The following PEMT variants were observed in gnomAD, a reference collection of about 807,000 sequenced individuals.
PEMT encodes phosphatidylethanolamine N-methyltransferase.
Under a neutral mutation model 27.4 loss-of-function variants are expected in PEMT, and 23 were observed. The observed-to-expected ratio is 0.84, with a 90% CI of 0.60 to 1.19. The LOEUF is 1.19. PEMT is among the 50% of genes most tolerant of loss of function. The probability of loss-of-function intolerance (pLI) is 0.00; values close to 1 mark genes in which losing one functional copy is unlikely to be tolerated. For synonymous variants in PEMT, 137 were observed against 139.1 expected, an observed-to-expected ratio of 0.98 and a Z score of 0.11; for missense variants, 307 against 310.1, an observed-to-expected ratio of 0.99 and a Z score of 0.07.
intron 2 of PEMT, among the ~76,000 whole-genome samples, chr17:17,534,823 T>C (rs77406264): frequency 0.022 from 3,390 of 152,212 alleles, 104 homozygotes; most frequent in East Asian, 0.095. Context: ...ACCCCATCTC[T>C]AAAAAAGGCA....
chr17:17,511,037 C>G (rs1163663396), intron 4 of PEMT, among the ~76,000 whole-genome samples: 1 of 152,106 alleles, frequency 6.6e-6, no homozygotes, highest in East Asian at 1.9e-4. Context: ...TTGCTGGGAC[C>G]CCCCCTATGG....
At chr17:17,556,771 G>C (rs1222786953) in intron 2 of PEMT, among the ~76,000 whole-genome samples, 1 of 152,154 alleles carries the variant, frequency 6.6e-6, no homozygotes, top group Non-Finnish European at 1.5e-5. Context: ...AAGCAACTGG[G>C]ACTGAGAGGA....
chr17:17,569,148 C>T (rs1056368691), intron 2 of PEMT, among the ~76,000 whole-genome samples: 2 of 152,208 alleles, frequency 1.3e-5, no homozygotes, highest in African/African-American at 4.8e-5. Flanking sequence ...AAGTCCCCGG[C>T]CAGAGGGACA....
Position 17,509,463 on chromosome 17 carries a change from G to T in PEMT, c.549C>A (p.Ser183Arg), listed in dbSNP as rs953690627. ...TGGCCCAGCCCAGGTAGTTGGCTGT[G>T]CTTCCCCAGTACATGGGGTTGTCCA... ...NILDNPMYWG[S>R]TANYLGWAIM... Residue 183 changes from serine to arginine, a missense_variant, in exon 5 of 7, where the codon AGC becomes AGA. Ser to Arg is a moderately radical substitution (Grantham distance 110). Transcript: ENST00000255389. 6.2e-7 allele frequency: 1 copy of T among 1,613,388 alleles called. No homozygotes were observed. Among genetic ancestry groups the T allele is most frequent in the Non-Finnish European group, 8.5e-7 (1 of 1,179,392 alleles).
intron 2 of PEMT, among the ~76,000 whole-genome samples, chr17:17,574,315 CT>C (rs551467639): frequency 0.061 from 6,769 of 110,668 alleles, 361 homozygotes; most frequent in African/African-American, 0.15. Flanking sequence ...CTTACTGCAT[CT>C]TTTTTTTTTT....
At chr17:17,509,649 A>G (rs1335244330) in intron 4 of PEMT, 104 bp from the exon 5 acceptor site, 3 of 784,896 alleles carry the variant, frequency 3.8e-6, no homozygotes, top group Non-Finnish European at 6.7e-6. Context: ...TGCAGGTGAG[A>G]CAGGGCCCTG....
At chr17:17,528,201 T>C (rs1373292172) in intron 2 of PEMT, among the ~76,000 whole-genome samples, 2 of 152,214 alleles carry the variant, frequency 1.3e-5, no homozygotes, top group Non-Finnish European at 2.9e-5. Context: ...CCTTCTGCCT[T>C]CCTGCTTTTG....
chr17:17,577,519 G>C (rs1911683805), intron 1 of PEMT: 10 of 998,850 alleles, frequency 1.0e-5, no homozygotes, highest in Non-Finnish European at 1.2e-5. Flanking sequence ...GTGGGGCGGG[G>C]TAAACTGAAA....
At chr17:17,517,867 T>G in intron 3 of PEMT, 1 of 555,626 alleles carries the variant, frequency 1.8e-6, no homozygotes, top group Non-Finnish European at 2.3e-6. Flanking sequence ...CAGGCCTTGG[T>G]CGTAAGGCTT....
intron 3 of PEMT, chr17:17,518,151 C>T (rs1288637199): frequency 1.0e-6 from 1 of 985,384 alleles, no homozygotes; most frequent in Non-Finnish European, 1.2e-6. Context: ...AGTTCCATCC[C>T]GTGACTGGTG....
chr17:17,542,997 A>G lies in PEMT; in HGVS notation c.205-20602T>C, dbSNP rs548206331. 1.6e-4 allele frequency among the ~76,000 whole-genome samples: 24 copies of G among 152,322 alleles called. No homozygotes were observed. In the East Asian group the frequency reaches 4.1e-3, roughly 26 times the overall value. ...CTCTCCAGCTGCCTTCCCCCAGAGC[A>G]TGGCCTCCTCGCATCAGTTACTTAA... On this transcript the variant is annotated intron_variant, in intron 2 of 6. Coordinates refer to ENST00000255389, the MANE Select transcript of PEMT (RefSeq NM_148172.3).
chr17:17,554,497 T>C (rs1567718256), intron 2 of PEMT, among the ~76,000 whole-genome samples: 1 of 152,254 alleles, frequency 6.6e-6, no homozygotes, highest in African/African-American at 2.4e-5. Context: ...TGGCTGCTTT[T>C]AAGCCAGCAA....
In PEMT at chr17:17,512,670, GGA is replaced by G; in HGVS notation, c.321-18_321-17del. 6.7e-7 allele frequency: 1 copy of G among 1,502,992 alleles called. No homozygotes were observed. The highest frequency in any genetic ancestry group is 2.5e-5 in the East Asian group (1 of 40,358). 93.1% of individuals were successfully genotyped at this position (1,502,992 alleles called of 1,614,324 possible). On this transcript the variant is annotated splice_polypyrimidine_tract_variant and intron_variant, in intron 3 of 6. Coordinates refer to ENST00000255389, the MANE Select transcript of PEMT (RefSeq NM_148172.3). The surrounding 1 kb of genome is among the most constrained non-coding windows in gnomAD (Gnocchi z 6.3). ...CTGCGTGAAGCTGTGGGCAGGGGAT[GGA>G]GAGGGAGGACGTCATGGCCAGGGAG...
At chr17:17,556,666 G>A (rs1375524853) in intron 2 of PEMT, among the ~76,000 whole-genome samples, 1 of 152,140 alleles carries the variant, frequency 6.6e-6, no homozygotes, top group South Asian at 2.1e-4. Context: ...GAGCCGCTGC[G>A]CCTGGCCCTT....
rs553545676 is a variant in PEMT at position 17,522,158 on chromosome 17, G to A, written c.320+122C>T. ...GTGGCTTGCTGTGGCAGGTGGCTTT[G>A]AGAGCTAACCCCTGAGTGCTCAGAC... On this transcript the variant is annotated intron_variant, in intron 3 of 6. Transcript: ENST00000255389. 1,686 of 702,896 alleles carry A rather than the reference G, an allele frequency of 2.4e-3. 7 individuals carry two copies. Among genetic ancestry groups the A allele is most frequent in the Middle Eastern group, 3.5e-3 (9 of 2,558 alleles). 43.5% of individuals were successfully genotyped at this position (702,896 alleles called of 1,614,324 possible). A position where few individuals can be genotyped will look rare whatever the true frequency, so the allele number is the denominator to read the frequency against.
intron 2 of PEMT, among the ~76,000 whole-genome samples, chr17:17,553,447 C>T (rs1909811393): frequency 6.6e-6 from 1 of 152,236 alleles, no homozygotes; most frequent in African/African-American, 2.4e-5. Flanking sequence ...CAACCACACA[C>T]ACAGGCCCTT....
At chr17:17,544,775 GAC>G (rs1909135677) in intron 2 of PEMT, among the ~76,000 whole-genome samples, 1 of 152,144 alleles carries the variant, frequency 6.6e-6, no homozygotes, top group South Asian at 2.1e-4. Context: ...CCAACCAGCA[GAC>G]ACGGGTCCAA....
chr17:17,586,588 T>G (rs1406742650), intron 1 of PEMT, among the ~76,000 whole-genome samples: 1 of 152,176 alleles, frequency 6.6e-6, no homozygotes, highest in African/African-American at 2.4e-5. Flanking sequence ...AGAAACATTT[T>G]GAACTGAATG....
chr17:17,509,478 G>A lies in PEMT; in HGVS notation c.534C>T (p.Pro178=). ...TVFPFNILDN[P]MYWGSTANYL... is the part of the protein sequence containing the mutation. ...AGTTGGCTGTGCTTCCCCAGTACATGGGGTTGTCCAGGATGTTGAAGGGGA... is the reference window on the plus strand; with the variant it reads ...AGTTGGCTGTGCTTCCCCAGTACATAGGGTTGTCCAGGATGTTGAAGGGGA... Residue 178 remains proline, a synonymous_variant, in exon 5 of 7, where the codon CCC becomes CCT. Transcript: ENST00000255389. 6.2e-7 allele frequency: 1 copy of A among 1,613,944 alleles called. No homozygotes were observed. Among genetic ancestry groups the A allele is most frequent in the Non-Finnish European group, 8.5e-7 (1 of 1,179,794 alleles).
Sources: allele counts gnomAD v4.1 joint callset (sites outside exome capture counted in the v4.1 genomes callset), GRCh38; gene constraint gnomAD v4.1.1; non-coding constraint Gnocchi (gnomAD v3.1); transcripts MANE v1.5; gene names NCBI Gene and HGNC (gene_info 2026-07-23, HGNC 2026-07-21).